The following MMP26 variants were observed in gnomAD, a reference collection of about 807,000 sequenced individuals.
The protein encoded by MMP26 is matrix metallopeptidase 26.
Under a neutral mutation model 31.0 loss-of-function variants are expected in MMP26, and 33 were observed. That is an observed-to-expected ratio of 1.06 (90% CI 0.81 to 1.42). MMP26 has a LOEUF of 1.42. Among genes scored for constraint, MMP26 ranks in the 40% most tolerant of loss-of-function variants. MMP26 has a pLI of 0.00. For missense variants in MMP26, 347 were observed against 316.1 expected, an observed-to-expected ratio of 1.10 and a Z score of -0.74; for synonymous variants, 122 against 114.9, an observed-to-expected ratio of 1.06 and a Z score of -0.40.
chr11:4,886,015 C>T (rs1850541831), intron 2 of MMP26, among the ~76,000 whole-genome samples: 1 of 152,114 alleles, frequency 6.6e-6, no homozygotes, highest in Admixed American at 6.6e-5. Flanking sequence ...CAGGGTTTAG[C>T]AAACACCACT....
intron 2 of MMP26, among the ~76,000 whole-genome samples, chr11:4,781,004 TATC>T (rs1313146739): frequency 3.3e-5 from 5 of 152,068 alleles, no homozygotes; most frequent in Non-Finnish European, 5.9e-5. Context: ...ATTTCAAAAG[TATC>T]ATGCAAAGCA....
At chr11:4,777,967 C>T (rs1848810293) in intron 2 of MMP26, among the ~76,000 whole-genome samples, 1 of 151,902 alleles carries the variant, frequency 6.6e-6, no homozygotes, top group South Asian at 2.1e-4. Context: ...GGTTATATAC[C>T]TGAGAGTGGA....
At chr11:4,860,469 G>A (rs2133512505) in intron 2 of MMP26, 2 of 470,188 alleles carry the variant, frequency 4.3e-6, no homozygotes, top group South Asian at 3.1e-5. Context: ...GAAATCCCAG[G>A]GGAAAGGCCA....
intron 2 of MMP26, among the ~76,000 whole-genome samples, chr11:4,930,258 G>C (rs78200423): frequency 3.3e-5 from 5 of 152,034 alleles, no homozygotes; most frequent in Admixed American, 6.6e-5. Context: ...TGTAATAGAC[G>C]TAAAGATGTG....
chr11:4,844,521 C>G (rs1039010173), intron 2 of MMP26, among the ~76,000 whole-genome samples: 1 of 152,096 alleles, frequency 6.6e-6, no homozygotes, highest in African/African-American at 2.4e-5. Context: ...CAACAAAATA[C>G]TAGCAAGCTG....
intron 2 of MMP26, among the ~76,000 whole-genome samples, chr11:4,811,976 G>A (rs1849355498): frequency 6.6e-6 from 1 of 152,088 alleles, no homozygotes; most frequent in South Asian, 2.1e-4. Context: ...CTCTAAATGT[G>A]GCTCACAGCT....
rs566725325 is a variant in MMP26, at chr11:4,764,729, T to C, written c.-216-2541T>C. ...TCTACTAAAAATACAAAAAATTAGC[T>C]GGGCGCGGTGGCGGGCGCCTGTAGT... On this transcript the variant is annotated intron_variant, in intron 1 of 7. Transcript: ENST00000380390. Among the ~76,000 whole-genome samples, 22 of 152,096 alleles carry C rather than the reference T, an allele frequency of 1.4e-4. No homozygotes were observed. The South Asian group carries it at 2.9e-3, about 20-fold the overall frequency.
At chr11:4,836,890 A>G (rs1849727152) in intron 2 of MMP26, among the ~76,000 whole-genome samples, 1 of 151,244 alleles carries the variant, frequency 6.6e-6, no homozygotes, top group African/African-American at 2.4e-5. Context: ...GCTGGTCCCG[A>G]ACTCCTGACC....
intron 2 of MMP26, among the ~76,000 whole-genome samples, chr11:4,925,063 G>C (rs1051836367): frequency 6.6e-6 from 1 of 152,150 alleles, no homozygotes; most frequent in Admixed American, 6.6e-5. Context: ...TGCATTGTGA[G>C]CCTGTTAATT....
At chr11:4,943,712 C>A (rs1487850374) in intron 2 of MMP26, 2 of 352,584 alleles carry the variant, frequency 5.7e-6, no homozygotes, top group Non-Finnish European at 1.1e-5. Flanking sequence ...GTTTAAGGAG[C>A]CCCAGAGTTG....
intron 2 of MMP26, among the ~76,000 whole-genome samples, chr11:4,802,209 T>C (rs1188418884): frequency 6.6e-6 from 1 of 152,238 alleles, no homozygotes; most frequent in African/African-American, 2.4e-5. Flanking sequence ...ATTGCAGGTA[T>C]TCATTGTTTT....
intron 2 of MMP26, among the ~76,000 whole-genome samples, chr11:4,857,983 T>C (rs1589921267): frequency 6.6e-6 from 1 of 152,212 alleles, no homozygotes. Flanking sequence ...ACCACATGAT[T>C]ATCTCAATAG....
chr11:4,720,755 G>C (rs779354314), intron 1 of MMP26, among the ~76,000 whole-genome samples: 4 of 152,176 alleles, frequency 2.6e-5, no homozygotes, highest in Non-Finnish European at 4.4e-5. Flanking sequence ...AAAGGATGGA[G>C]AACATGAGGC....
intron 2 of MMP26, chr11:4,947,136 A>G: frequency 9.1e-7 from 1 of 1,096,070 alleles, no homozygotes; most frequent in Non-Finnish European, 1.3e-6. Flanking sequence ...AAAAATACAG[A>G]TGCTTGTGTT....
At chr11:4,723,124 G>T in intron 1 of MMP26, 1 of 1,580,176 alleles carries the variant, frequency 6.3e-7, no homozygotes, top group Non-Finnish European at 8.7e-7. Context: ...CCTCCAGCTC[G>T]GACAGCTTGG....
chr11:4,741,984 A>T (rs1443332778), intron 1 of MMP26, among the ~76,000 whole-genome samples: 1 of 152,212 alleles, frequency 6.6e-6, no homozygotes, highest in Non-Finnish European at 1.5e-5. Context: ...TCTGTGCGCC[A>T]TACAGAGGAC....
chr11:4,985,501 A>G (rs1447089270), intron 2 of MMP26, among the ~76,000 whole-genome samples: 1 of 152,120 alleles, frequency 6.6e-6, no homozygotes, highest in Non-Finnish European at 1.5e-5. Context: ...TTGACATTCC[A>G]TTATTTACCC....
At chr11:4,850,655 T>C (rs1422815929) in intron 2 of MMP26, among the ~76,000 whole-genome samples, 3 of 152,098 alleles carry the variant, frequency 2.0e-5, no homozygotes, top group East Asian at 1.9e-4. Flanking sequence ...ATGATATAGA[T>C]ACAAGTTAAC....
intron 2 of MMP26, among the ~76,000 whole-genome samples, chr11:4,862,358 A>G (rs1177997268): frequency 6.6e-6 from 1 of 152,206 alleles, no homozygotes; most frequent in Non-Finnish European, 1.5e-5. Flanking sequence ...GGCATTTATT[A>G]ATTTTTCCCT....
Sources: allele counts gnomAD v4.1 joint callset (sites outside exome capture counted in the v4.1 genomes callset), GRCh38; gene constraint gnomAD v4.1.1; transcripts MANE v1.5; gene names NCBI Gene and HGNC (gene_info 2026-07-23, HGNC 2026-07-21).